The following FANCB variants were observed in gnomAD, a reference collection of about 807,000 sequenced individuals.
FANCB encodes the protein FA complementation group B, also known as Fanconi anemia group B protein.
A neutral mutation model predicts 38.9 loss-of-function variants in FANCB; 5 were observed. That is an observed-to-expected ratio of 0.13 (90% CI 0.07 to 0.27). FANCB has a LOEUF of 0.27. Ranked by LOEUF, FANCB falls within the 10% of genes least tolerant of loss-of-function variation. The pLI, the probability that FANCB is intolerant of heterozygous loss-of-function variation, is 1.00. For missense variants in FANCB, 573 were observed against 602.7 expected, an observed-to-expected ratio of 0.95 and a Z score of 0.52; for synonymous variants, 236 against 215.4, an observed-to-expected ratio of 1.10 and a Z score of -0.84.
chrX:14,750,666 A>T, the FANCB span, among the ~76,000 whole-genome samples: 1 of 111,117 alleles, frequency 9.0e-6, no homozygotes, highest in South Asian at 3.8e-4. Flanking sequence ...ACTATGCCTC[A>T]CTTGGGAACA....
At chrX:14,820,371 C>A in the FANCB span, among the ~76,000 whole-genome samples, 1 of 111,753 alleles carries the variant, frequency 8.9e-6, no homozygotes, top group East Asian at 2.8e-4. Context: ...GGTGATACCC[C>A]AAGACTGGGT....
chrX:14,838,330 C>A (rs1427003725), intron 10 of FANCB, among the ~76,000 whole-genome samples: 1 of 112,100 alleles, frequency 8.9e-6, no homozygotes, highest in Non-Finnish European at 1.9e-5. Context: ...AATTCCCCTT[C>A]CAGCTGGCAC....
chrX:14,825,657 T>C, the FANCB span, among the ~76,000 whole-genome samples: 5 of 112,342 alleles, frequency 4.5e-5, no homozygotes, highest in African/African-American at 1.6e-4. Context: ...GTCATATCTG[T>C]GGATCTGCAT....
the FANCB span, among the ~76,000 whole-genome samples, chrX:14,700,036 G>C: frequency 9.0e-6 from 1 of 111,155 alleles, no homozygotes; most frequent in Non-Finnish European, 1.9e-5. Flanking sequence ...CTAGGCTTAA[G>C]ACCTGGGGTG....
the FANCB span, among the ~76,000 whole-genome samples, chrX:14,812,104 C>A: frequency 4.6e-5 from 5 of 109,850 alleles, no homozygotes; most frequent in African/African-American, 1.7e-4. Context: ...TAAAGATGTT[C>A]TTTGAAACCA....
the FANCB span, chrX:14,730,947 CACAA>C: frequency 4.2e-5 from 3 of 71,418 alleles, no homozygotes; most frequent in African/African-American, 1.1e-4. Context: ...CACACACACA[CACAA>C]ACTTCAAAAA....
the FANCB span, among the ~76,000 whole-genome samples, chrX:14,704,615 C>T: frequency 7.2e-5 from 8 of 111,660 alleles, no homozygotes; most frequent in Non-Finnish European, 1.5e-4. Context: ...TTATTTCCCA[C>T]CTGATTGATG....
At chrX:14,810,353 C>A in the FANCB span, among the ~76,000 whole-genome samples, 1 of 109,472 alleles carries the variant, frequency 9.1e-6, no homozygotes, top group Non-Finnish European at 1.9e-5. Flanking sequence ...AGGCTTCAGA[C>A]GATCAAACTA....
At position 14,850,776 on chromosome X, in the gene FANCB, C is replaced by T. The variant is rs778712406; in HGVS notation, c.1327-102G>A. 14 of 477,160 alleles carry T rather than the reference C, an allele frequency of 2.9e-5. No homozygotes were observed. The African/African-American group carries it at 3.5e-4, about 12-fold the overall frequency. 39.3% of individuals were successfully genotyped at this position (477,160 alleles called of 1,213,427 possible). ...GTGTGCTTTTGGCTAGGGCTTATGGCCCAAACATTTAAAAACAAATAACAT... is the reference window on the plus strand; with the variant it reads ...GTGTGCTTTTGGCTAGGGCTTATGGTCCAAACATTTAAAAACAAATAACAT... On this transcript the variant is annotated intron_variant, in intron 6 of 9. Coordinates refer to ENST00000650831, the MANE Select transcript of FANCB (RefSeq NM_001018113.3).
At chrX:14,785,689 C>G in the FANCB span, among the ~76,000 whole-genome samples, 1 of 111,858 alleles carries the variant, frequency 8.9e-6, no homozygotes, top group Non-Finnish European at 1.9e-5. Context: ...GGGGTATAGT[C>G]CCCCTTTCTC....
chrX:14,850,432 CTTACA>C (rs2092396033), intron 7 of FANCB, 68 bp downstream of exon 7: 8 of 822,136 alleles, frequency 9.7e-6, no homozygotes, highest in Middle Eastern at 3.3e-4. Context: ...TTGCACGTGG[CTTACA>C]TTAATTTCTA....
the FANCB span, among the ~76,000 whole-genome samples, chrX:14,773,139 A>G: frequency 1.8e-5 from 2 of 112,434 alleles, no homozygotes; most frequent in African/African-American, 6.5e-5. Context: ...CTAATCAGCC[A>G]TCTTGGATCC....
At chrX:14,837,735 A>G (rs982615460) in intron 10 of FANCB, among the ~76,000 whole-genome samples, 4 of 112,679 alleles carry the variant, frequency 3.5e-5, no homozygotes, top group African/African-American at 1.3e-4. Flanking sequence ...TTTTATTACA[A>G]ACTGACTTTA....
the FANCB span, among the ~76,000 whole-genome samples, chrX:14,753,352 A>G: frequency 8.9e-6 from 1 of 112,152 alleles, no homozygotes; most frequent in Admixed American, 9.5e-5. Context: ...AATGATACTG[A>G]CATTTTGGAA....
At chrX:14,776,209 C>T in the FANCB span, among the ~76,000 whole-genome samples, 1 of 111,908 alleles carries the variant, frequency 8.9e-6, no homozygotes, top group Non-Finnish European at 1.9e-5. Context: ...AGCTATACAT[C>T]ATCAGCTTGG....
chrX:14,721,117 T>C, the FANCB span, among the ~76,000 whole-genome samples: 2 of 64,320 alleles, frequency 3.1e-5, no homozygotes, highest in East Asian at 7.0e-4. Context: ...TGTGACCCTG[T>C]CTCAAAAAAA....
chrX:14,812,491 T>C, the FANCB span, among the ~76,000 whole-genome samples: 2 of 111,678 alleles, frequency 1.8e-5, no homozygotes, highest in East Asian at 2.8e-4. Flanking sequence ...ATATCACCAC[T>C]GATCCCACAG....
At chrX:14,860,280 C>T (rs1404363808) in intron 3 of FANCB, among the ~76,000 whole-genome samples, 6 of 112,154 alleles carry the variant, frequency 5.3e-5, no homozygotes, top group African/African-American at 1.9e-4. Flanking sequence ...AACCCACATA[C>T]CCAAATATGA....
chrX:14,754,353 C>T, the FANCB span, among the ~76,000 whole-genome samples: 1 of 112,322 alleles, frequency 8.9e-6, no homozygotes, highest in East Asian at 2.8e-4. Flanking sequence ...AATAGAAATC[C>T]TGGACAGACC....
Sources: gnomAD v4.1 joint callset for allele counts (sites outside exome capture counted in the v4.1 genomes callset) on GRCh38, gnomAD v4.1.1 for gene constraint, MANE v1.5 for transcripts, NCBI Gene and HGNC (gene_info 2026-07-23, HGNC 2026-07-21) for gene names.